LRRC4C: variants seen among roughly 807,000 people sequenced by gnomAD.
LRRC4C encodes the protein leucine-rich repeat-containing protein 4C.
LRRC4C carries 5 observed loss-of-function variants against 33.6 expected under a neutral mutation model. The observed-to-expected ratio is 0.15, with a 90% confidence interval of 0.08 to 0.31. The LOEUF is 0.31. Ranked by LOEUF, LRRC4C falls within the 10% of genes least tolerant of loss-of-function variation. The pLI is 1.00. For missense variants in LRRC4C, 560 were observed against 796.7 expected (o/e 0.70, Z 3.58); for synonymous variants, 329 against 302.0 (o/e 1.09, Z -0.93).
chr11:40,649,236 A>G (rs1435730242), intron 2 of LRRC4C, among the ~76,000 whole-genome samples: 2 of 152,232 alleles, frequency 1.3e-5, no homozygotes, highest in East Asian at 3.9e-4. Flanking sequence ...ACTGCAGGAG[A>G]CCAGGGCGTA....
At chr11:40,719,590 A>C (rs1461907250) in intron 2 of LRRC4C, among the ~76,000 whole-genome samples, 1 of 152,198 alleles carries the variant, frequency 6.6e-6, no homozygotes, top group Non-Finnish European at 1.5e-5. Context: ...AAATTCTACT[A>C]CTGAGGATAT....
At position 40,317,611 on chromosome 11, in the gene LRRC4C, A is replaced by T. The variant is rs551032962; in HGVS notation, c.-176+2017T>A. Among the ~76,000 whole-genome samples the T allele has an allele frequency of 2.6e-5, 4 of 152,216 alleles. No individual in the cohort carries two copies. The South Asian group carries it at 8.3e-4, about 32-fold the overall frequency. ...TTCTATGTGTTTCATCAAGATACTG[A>T]AACGTCTCTCTGCATGTCTCTTGGT... On this transcript the variant is annotated intron_variant, in intron 4 of 6. Transcript: ENST00000528697.
intron 3 of LRRC4C, among the ~76,000 whole-genome samples, chr11:40,329,737 C>CTTT (rs199598860): frequency 6.2e-4 from 75 of 120,394 alleles, no homozygotes; most frequent in African/African-American, 1.5e-3. Flanking sequence ...CTTTCTTTTT[C>CTTT]TTTTTTTTTT....
At chr11:40,644,518 C>T (rs1591358708) in intron 3 of LRRC4C, among the ~76,000 whole-genome samples, 1 of 152,200 alleles carries the variant, frequency 6.6e-6, no homozygotes, top group South Asian at 2.1e-4. Flanking sequence ...TAGAAGCAAC[C>T]AAGACATCCT....
At position 40,740,588 on chromosome 11, in the gene LRRC4C, T is replaced by C. The variant is rs554552847; in HGVS notation, c.-406-92310A>G. ...TTTGCATATATTTTCCCCCATTTAA[T>C]AGTTGTCTCATTTGTTATTTTCTTT... is the stretch of plus-strand genomic sequence containing the variant. On this transcript the variant is annotated intron_variant, in intron 2 of 6. Transcript: ENST00000528697. 2.0e-5 allele frequency among the ~76,000 whole-genome samples: 3 copies of C among 152,216 alleles called. No homozygotes were observed. In the South Asian group the frequency reaches 6.2e-4, roughly 32 times the overall value.
chr11:40,222,137 TAGTA>T (rs1864466422), intron 5 of LRRC4C, among the ~76,000 whole-genome samples: 1 of 152,180 alleles, frequency 6.6e-6, no homozygotes, highest in African/African-American at 2.4e-5. Flanking sequence ...CTCCATTGTA[TAGTA>T]ACAAAACAGC....
intron 3 of LRRC4C, among the ~76,000 whole-genome samples, chr11:40,603,172 C>T (rs897444371): frequency 3.1e-4 from 47 of 152,072 alleles, no homozygotes; most frequent in African/African-American, 1.1e-3. Flanking sequence ...ATTTGAACAC[C>T]AAATGTGTAA....
rs563365516 is a variant in LRRC4C at position 40,863,045 on chromosome 11, A to C, written c.-407+70590T>G. The stretch of plus-strand genomic sequence containing the variant: ...TTTCAATAGATTCTGAGATGCAAGC[A>C]CTGAAGGTTATCATCACAGTGCAAG... On this transcript the variant is annotated intron_variant, in intron 2 of 6. Transcript: ENST00000528697. Among the ~76,000 whole-genome samples the C allele has an allele frequency of 6.6e-5, 10 of 152,346 alleles. No individual in the cohort carries two copies. In the East Asian group the frequency reaches 1.9e-3, roughly 29 times the overall value.
At chr11:40,310,448 T>C (rs1172667565) in intron 4 of LRRC4C, among the ~76,000 whole-genome samples, 1 of 152,174 alleles carries the variant, frequency 6.6e-6, no homozygotes, top group Non-Finnish European at 1.5e-5. Flanking sequence ...CTTGCCACAA[T>C]TTATAGGCTA....
intron 5 of LRRC4C, among the ~76,000 whole-genome samples, chr11:40,200,601 A>G (rs1194899335): frequency 2.0e-5 from 3 of 151,900 alleles, no homozygotes; most frequent in African/African-American, 7.3e-5. Context: ...AGAATGCTAC[A>G]CAGAGAGATG....
intron 4 of LRRC4C, among the ~76,000 whole-genome samples, chr11:40,296,819 T>G (rs184720216): frequency 2.4e-3 from 359 of 152,290 alleles, no homozygotes; most frequent in African/African-American, 8.4e-3. Flanking sequence ...CTATAAAAGC[T>G]CTTTCAGAAG....
At chr11:40,887,298 A>G (rs1955514340) in intron 2 of LRRC4C, among the ~76,000 whole-genome samples, 1 of 152,012 alleles carries the variant, frequency 6.6e-6, no homozygotes, top group South Asian at 2.1e-4. Flanking sequence ...TAGAACCATT[A>G]GGAAATATGG....
intron 2 of LRRC4C, among the ~76,000 whole-genome samples, chr11:40,786,116 T>G (rs1950403051): frequency 6.6e-6 from 1 of 152,220 alleles, no homozygotes; most frequent in South Asian, 2.1e-4. Flanking sequence ...CTCTGGAAGC[T>G]TCTATGCTTT....
At chr11:41,012,967 C>A (rs1266147804) in intron 1 of LRRC4C, among the ~76,000 whole-genome samples, 1 of 152,076 alleles carries the variant, frequency 6.6e-6, no homozygotes, top group Admixed American at 6.6e-5. Flanking sequence ...TCCTTATATA[C>A]TCTGGTTAAT....
intron 1 of LRRC4C, among the ~76,000 whole-genome samples, chr11:41,160,467 T>C (rs1944420477): frequency 6.6e-6 from 1 of 152,138 alleles, no homozygotes; most frequent in Admixed American, 6.6e-5. Flanking sequence ...TTTATCAAGT[T>C]TGTCAAAATT....
intron 3 of LRRC4C, among the ~76,000 whole-genome samples, chr11:40,609,673 G>C (rs1191794559): frequency 6.6e-6 from 1 of 151,818 alleles, no homozygotes; most frequent in Non-Finnish European, 1.5e-5. Context: ...GGAAAAAAGA[G>C]AGAAGACTTA....
At chr11:40,260,646 G>C (rs1313417845) in intron 4 of LRRC4C, among the ~76,000 whole-genome samples, 2 of 152,126 alleles carry the variant, frequency 1.3e-5, no homozygotes, top group Admixed American at 6.6e-5. Context: ...CGTCCAAGGA[G>C]CTAAGAAAGG....
intron 1 of LRRC4C, among the ~76,000 whole-genome samples, chr11:41,147,300 C>T (rs1237380155): frequency 6.6e-6 from 1 of 152,194 alleles, no homozygotes; most frequent in Non-Finnish European, 1.5e-5. Flanking sequence ...AAAACACAGG[C>T]TATTCATCTG....
chr11:40,529,076 T>C (rs1270668137), intron 3 of LRRC4C, among the ~76,000 whole-genome samples: 1 of 152,174 alleles, frequency 6.6e-6, no homozygotes, highest in Non-Finnish European at 1.5e-5. Flanking sequence ...CAGTATCATG[T>C]TGATAGTCAA....
Sources: gnomAD v4.1 joint callset for allele counts (sites outside exome capture counted in the v4.1 genomes callset) on GRCh38, gnomAD v4.1.1 for gene constraint, MANE v1.5 for transcripts, NCBI Gene and HGNC (gene_info 2026-07-23, HGNC 2026-07-21) for gene names.